The following RBFOX1 variants were observed in gnomAD, a reference collection of about 807,000 sequenced individuals.
The protein encoded by RBFOX1 is RNA binding protein fox-1 homolog 1.
RBFOX1 carries 8 observed loss-of-function variants against 57.7 expected under a neutral mutation model. The observed-to-expected ratio is 0.14, with a 90% CI of 0.08 to 0.25. RBFOX1 has a LOEUF of 0.25. Among genes scored for constraint, RBFOX1 ranks in the 10% least tolerant of loss-of-function variants. RBFOX1 has a pLI of 1.00. For synonymous variants in RBFOX1, 326 were observed against 222.4 expected (o/e 1.47, Z -4.15); for missense variants, 611 against 548.5 (o/e 1.11, Z -1.14).
In RBFOX1 at chr16:6,256,188, T is replaced by TATATATATAC. The variant is rs1491506666; in HGVS notation, c.-126-60799_-126-60798insACATATATAT. ...ATATATATGTATATATATATATACG[T>TATATATATAC]ATATATATGTATATGTATATGTGTA... is the stretch of plus-strand genomic sequence containing the variant. On this transcript the variant is annotated intron_variant, in intron 1 of 15. Coordinates refer to ENST00000550418, the MANE Select transcript of RBFOX1 (RefSeq NM_018723.4). Among the ~76,000 whole-genome samples, 4 of 18,698 alleles carry TATATATATAC rather than the reference T, an allele frequency of 2.1e-4. 1 individual carries two copies. Among genetic ancestry groups the TATATATATAC allele is most frequent in the Non-Finnish European group, 5.5e-4 (4 of 7,296 alleles). 12.3% of individuals were successfully genotyped at this position (18,698 alleles called of 152,430 possible).
intron 3 of RBFOX1, among the ~76,000 whole-genome samples, chr16:6,954,656 C>G (rs1473466118): frequency 6.6e-6 from 1 of 151,996 alleles, no homozygotes; most frequent in African/African-American, 2.4e-5. Flanking sequence ...GGGCAGTTCT[C>G]CAATATCAGG....
At chr16:5,545,105 T>C (rs1567213959) in intron 2 of RBFOX1, among the ~76,000 whole-genome samples, 2 of 151,758 alleles carry the variant, frequency 1.3e-5, no homozygotes, top group Non-Finnish European at 1.5e-5. Context: ...GCCTTCCGAG[T>C]AGCTGGGATT....
intron 3 of RBFOX1, among the ~76,000 whole-genome samples, chr16:6,956,744 C>T (rs1375285762): frequency 9.2e-5 from 14 of 152,212 alleles, no homozygotes; most frequent in Admixed American, 7.9e-4. Context: ...CTTCGATGGT[C>T]TTGTGGTTTG....
chr16:7,269,720 C>G (rs771478287), intron 4 of RBFOX1, among the ~76,000 whole-genome samples: 29 of 152,058 alleles, frequency 1.9e-4, no homozygotes, highest in Non-Finnish European at 3.5e-4. Flanking sequence ...AGAGAATTTT[C>G]TTATACTCAA....
intron 1 of RBFOX1, among the ~76,000 whole-genome samples, chr16:5,290,944 C>G (rs1208316657): frequency 6.6e-6 from 1 of 152,168 alleles, no homozygotes; most frequent in Non-Finnish European, 1.5e-5. Context: ...AGGTGATGCA[C>G]CCGCCTCAGC....
At chr16:5,944,670 C>T (rs9928826) in intron 4 of RBFOX1, among the ~76,000 whole-genome samples, 1 of 151,106 alleles carries the variant, frequency 6.6e-6, no homozygotes, top group Non-Finnish European at 1.5e-5. Flanking sequence ...GAAAGCTATT[C>T]TCGGCCAGGT....
intron 2 of RBFOX1, among the ~76,000 whole-genome samples, chr16:6,387,974 ATTTTTTTT>A (rs61603572): frequency 9.5e-5 from 8 of 84,152 alleles, no homozygotes; most frequent in African/African-American, 2.1e-4. Flanking sequence ...TTTGTGGAAC[ATTTTTTTT>A]TTTTTTTTTT....
At chr16:7,633,927 T>C (rs1020257412) in intron 11 of RBFOX1, among the ~76,000 whole-genome samples, 1 of 152,200 alleles carries the variant, frequency 6.6e-6, no homozygotes, top group Admixed American at 6.5e-5. Context: ...CATATTCTAC[T>C]ACAAAACCAT....
intron 1 of RBFOX1, among the ~76,000 whole-genome samples, chr16:5,312,208 C>T (rs1395709670): frequency 3.3e-5 from 5 of 152,338 alleles, no homozygotes; most frequent in South Asian, 4.1e-4. Flanking sequence ...AAGCTTACTT[C>T]GGGTGAAAGA....
At chr16:7,522,339 A>T (rs117883354) in intron 5 of RBFOX1, among the ~76,000 whole-genome samples, 4,041 of 152,284 alleles carry the variant, frequency 0.027, 92 homozygotes, top group Middle Eastern at 0.054. Context: ...AAGAGGAACT[A>T]TTGAGTAAGA....
intron 1 of RBFOX1, among the ~76,000 whole-genome samples, chr16:5,344,385 G>T (rs80104791): frequency 0.025 from 3,743 of 152,220 alleles, 154 homozygotes; most frequent in African/African-American, 0.085. Context: ...CCTGATTGGG[G>T]ATCAAGCTAA....
At chr16:5,651,912 C>T (rs967079361) in intron 3 of RBFOX1, among the ~76,000 whole-genome samples, 3 of 152,232 alleles carry the variant, frequency 2.0e-5, no homozygotes, top group South Asian at 2.1e-4. Context: ...GCAGGAGGAT[C>T]GCTTGAGGTC....
At chr16:6,785,403 G>T (rs1458043271) in intron 3 of RBFOX1, among the ~76,000 whole-genome samples, 2 of 152,054 alleles carry the variant, frequency 1.3e-5, no homozygotes, top group Non-Finnish European at 2.9e-5. Flanking sequence ...CTAAGGAGAG[G>T]TCACTGTTTT....
At chr16:6,612,088 C>G (rs1386324735) in intron 2 of RBFOX1, among the ~76,000 whole-genome samples, 1 of 152,130 alleles carries the variant, frequency 6.6e-6, no homozygotes, top group Non-Finnish European at 1.5e-5. Context: ...CTAAAACAAC[C>G]CTCCCCTCTT....
intron 2 of RBFOX1, among the ~76,000 whole-genome samples, chr16:6,514,133 G>A (rs775658140): frequency 6.6e-6 from 1 of 152,134 alleles, no homozygotes; most frequent in Non-Finnish European, 1.5e-5. Flanking sequence ...ATCAGCCCTA[G>A]GTGTCACGTT....
At chr16:5,503,745 A>G (rs1476704759) in intron 2 of RBFOX1, among the ~76,000 whole-genome samples, 1 of 152,156 alleles carries the variant, frequency 6.6e-6, no homozygotes, top group Non-Finnish European at 1.5e-5. Flanking sequence ...TACCTGGCCA[A>G]GACAATGGTT....
chr16:6,368,513 C>T (rs1032668955), intron 2 of RBFOX1, among the ~76,000 whole-genome samples: 1 of 152,238 alleles, frequency 6.6e-6, no homozygotes, highest in Admixed American at 6.5e-5. Flanking sequence ...TCTGCATCCA[C>T]ATCTCCTTCC....
chr16:6,747,349 G>C (rs1195441619), intron 3 of RBFOX1, among the ~76,000 whole-genome samples: 2 of 152,058 alleles, frequency 1.3e-5, no homozygotes, highest in African/African-American at 2.4e-5. Context: ...AGAGATTGTA[G>C]TGAGCCAAGA....
chr16:6,277,404 C>A (rs577735339), intron 1 of RBFOX1, among the ~76,000 whole-genome samples: 1 of 142,528 alleles, frequency 7.0e-6, no homozygotes, highest in South Asian at 2.2e-4. Context: ...CAGCATTGAA[C>A]CGTGATCGCA....
Sources: allele counts gnomAD v4.1 joint callset (sites outside exome capture counted in the v4.1 genomes callset), GRCh38; gene constraint gnomAD v4.1.1; transcripts MANE v1.5; gene names NCBI Gene and HGNC (gene_info 2026-07-23, HGNC 2026-07-21).